Variants in KIAA1217 observed in about 807,000 individuals in gnomAD.
The protein encoded by KIAA1217 is sickle tail protein homolog.
A neutral mutation model predicts 163.9 loss-of-function variants in KIAA1217; 88 were observed. The ratio of observed to expected loss-of-function variants is 0.54; its 90% CI spans 0.45 to 0.64. The LOEUF is 0.64. Ranked by LOEUF, KIAA1217 falls within the 30% of genes least tolerant of loss-of-function variation. The probability of loss-of-function intolerance (pLI) is 0.00; values close to 1 mark genes in which losing one functional copy is unlikely to be tolerated. For missense variants in KIAA1217, 2,372 were observed against 2,475.0 expected, an observed-to-expected ratio of 0.96 and a Z score of 0.88; for synonymous variants, 903 against 923.1, an observed-to-expected ratio of 0.98 and a Z score of 0.39.
At chr10:23,745,324 T>C (rs568038349) in intron 1 of KIAA1217, among the ~76,000 whole-genome samples, 1 of 152,336 alleles carries the variant, frequency 6.6e-6, no homozygotes, top group Admixed American at 6.5e-5. Context: ...GAAAGCACAT[T>C]ATATGACACT....
chr10:24,490,355 T>C (rs2133631991), intron 6 of KIAA1217, among the ~76,000 whole-genome samples: 2 of 152,340 alleles, frequency 1.3e-5, no homozygotes, highest in Non-Finnish European at 2.9e-5. Context: ...AAATTGCCAC[T>C]GCAATAAAAT....
chr10:23,731,110 C>T (rs1361112308), intron 1 of KIAA1217, among the ~76,000 whole-genome samples: 1 of 151,558 alleles, frequency 6.6e-6, no homozygotes, highest in Non-Finnish European at 1.5e-5. Flanking sequence ...GCTTTTTTTT[C>T]AGAAGGGTTT....
chr10:23,935,264 G>A (rs146286918), intron 1 of KIAA1217, among the ~76,000 whole-genome samples: 31 of 152,290 alleles, frequency 2.0e-4, no homozygotes, highest in Admixed American at 5.9e-4. Context: ...ACTTACAGAC[G>A]ATGGGCTTAT....
chr10:23,847,390 G>A (rs1250973783), intron 1 of KIAA1217, among the ~76,000 whole-genome samples: 2 of 152,008 alleles, frequency 1.3e-5, no homozygotes, highest in Non-Finnish European at 1.5e-5. Context: ...ATTAATTACT[G>A]CCTCAATTTC....
At chr10:23,882,031 G>A (rs998470227) in intron 1 of KIAA1217, among the ~76,000 whole-genome samples, 3 of 144,618 alleles carry the variant, frequency 2.1e-5, no homozygotes, top group Admixed American at 1.4e-4. Flanking sequence ...GTAAAATAGA[G>A]TGTCTCTTTC....
At chr10:24,534,976 G>A (rs2073779248) in intron 16 of KIAA1217, among the ~76,000 whole-genome samples, 1 of 150,804 alleles carries the variant, frequency 6.6e-6, no homozygotes, top group South Asian at 2.1e-4. Context: ...TAGAAACCCA[G>A]CCTGCTAAAT....
chr10:24,410,415 C>T (rs1483193287), intron 3 of KIAA1217, among the ~76,000 whole-genome samples: 2 of 152,214 alleles, frequency 1.3e-5, no homozygotes, highest in Non-Finnish European at 2.9e-5. Context: ...AGGTCACACA[C>T]ATTTTTCTGC....
At chr10:24,230,502 G>GGTTT (rs1190436596) in intron 2 of KIAA1217, among the ~76,000 whole-genome samples, 20 of 90,638 alleles carry the variant, frequency 2.2e-4, no homozygotes, top group African/African-American at 8.0e-4. Flanking sequence ...TATTTGTTTT[G>GGTTT]TTTTTTTTTT....
intron 3 of KIAA1217, among the ~76,000 whole-genome samples, chr10:24,420,774 T>C (rs189567499): frequency 6.6e-6 from 1 of 152,314 alleles, no homozygotes; most frequent in East Asian, 1.9e-4. Flanking sequence ...ATTTATTGAA[T>C]AGTCATTTCT....
intron 2 of KIAA1217, among the ~76,000 whole-genome samples, 177 bp from the exon 3 acceptor site, chr10:24,380,692 T>C (rs1188845550): frequency 6.6e-6 from 1 of 152,124 alleles, no homozygotes; most frequent in African/African-American, 2.4e-5. Context: ...TTTCCGGTAA[T>C]TTTCACAACT....
At chr10:23,828,213 T>C (rs1024441547) in intron 1 of KIAA1217, among the ~76,000 whole-genome samples, 2 of 152,258 alleles carry the variant, frequency 1.3e-5, no homozygotes, top group African/African-American at 4.8e-5. Context: ...ACAGAAGCCT[T>C]CTTGATTCCT....
intron 1 of KIAA1217, among the ~76,000 whole-genome samples, chr10:23,916,311 G>A (rs1202601080): frequency 7.2e-5 from 11 of 152,128 alleles, no homozygotes; most frequent in Non-Finnish European, 1.5e-4. Context: ...GGCCATATTT[G>A]AATTTGCACT....
In KIAA1217 at chr10:24,471,471, A is replaced by AT. The variant is rs200508387; in HGVS notation, c.847-1746dup. Among the ~76,000 whole-genome samples, 72 of 148,212 alleles carry AT rather than the reference A, an allele frequency of 4.9e-4. No individual in the cohort carries two copies. In the East Asian group the frequency reaches 9.1e-3, roughly 19 times the overall value. On this transcript the variant is annotated intron_variant, in intron 5 of 20. Transcript: ENST00000376454. ...ATATGAAATCATCATATCCTGAGTT[A>AT]TTTTTTTTTTTATTCTACTCCCTTG...
chr10:23,982,561 C>A (rs1173141938), intron 1 of KIAA1217, among the ~76,000 whole-genome samples: 1 of 146,058 alleles, frequency 6.8e-6, no homozygotes, highest in African/African-American at 2.6e-5. Context: ...CTCTCTCTCT[C>A]TCTCTCTCTC....
chr10:24,016,565 A>C (rs1847486939), intron 2 of KIAA1217, among the ~76,000 whole-genome samples: 1 of 152,150 alleles, frequency 6.6e-6, no homozygotes, highest in Non-Finnish European at 1.5e-5. Flanking sequence ...TAAAGAATTC[A>C]AGCTAAGCTT....
chr10:24,493,885 C>T (rs2066449459), intron 6 of KIAA1217, among the ~76,000 whole-genome samples: 1 of 152,086 alleles, frequency 6.6e-6, no homozygotes, highest in Non-Finnish European at 1.5e-5. Context: ...GTCTCAAACT[C>T]CTGACCTCAG....
chr10:23,935,212 C>T (rs1843475388), intron 1 of KIAA1217, among the ~76,000 whole-genome samples: 1 of 152,080 alleles, frequency 6.6e-6, no homozygotes, highest in Non-Finnish European at 1.5e-5. Flanking sequence ...GAATTCTTGG[C>T]CAGTCCGAAA....
chr10:24,283,394 T>C (rs2078181057), intron 2 of KIAA1217, among the ~76,000 whole-genome samples: 2 of 151,952 alleles, frequency 1.3e-5, no homozygotes, highest in African/African-American at 2.4e-5. Context: ...CTGGCTGGGA[T>C]GGTGGCTTAC....
chr10:23,913,224 A>G (rs1382821732), intron 1 of KIAA1217, among the ~76,000 whole-genome samples: 2 of 147,718 alleles, frequency 1.4e-5, no homozygotes, highest in Non-Finnish European at 2.9e-5. Context: ...CCCAGACTGC[A>G]GGGCACAGGC....
Sources: gnomAD v4.1 joint callset for allele counts (sites outside exome capture counted in the v4.1 genomes callset) on GRCh38, gnomAD v4.1.1 for gene constraint, MANE v1.5 for transcripts, NCBI Gene and HGNC (gene_info 2026-07-23, HGNC 2026-07-21) for gene names.